SNX29: variants seen among roughly 807,000 people sequenced by gnomAD.
The protein encoded by SNX29 is sorting nexin 29, also known as sorting nexin-29.
In SNX29, 78 loss-of-function variants were observed where a neutral mutation model predicts 102.1. The observed-to-expected ratio is 0.76, with a 90% CI of 0.64 to 0.92. The LOEUF is 0.92. Ranked by LOEUF, SNX29 falls within the 40% of genes least tolerant of loss-of-function variation. SNX29 has a pLI of 0.00. For missense variants in SNX29, 1,280 were observed against 1,061.7 expected, an observed-to-expected ratio of 1.21 and a Z score of -2.86; for synonymous variants, 580 against 414.5, an observed-to-expected ratio of 1.40 and a Z score of -4.85.
chr16:12,463,671 A>C (rs553811483), intron 18 of SNX29, among the ~76,000 whole-genome samples: 4 of 152,210 alleles, frequency 2.6e-5, no homozygotes, highest in African/African-American at 4.8e-5. Flanking sequence ...AGCAACCTCT[A>C]TTATTAAAAA....
At position 12,048,466 on chromosome 16, in the gene SNX29, G is replaced by A. The variant is rs760488823; in HGVS notation, c.594G>A (p.Glu198=). 6.2e-6 allele frequency: 10 copies of A among 1,613,930 alleles called. No individual in the cohort carries two copies. The highest frequency in any genetic ancestry group is 3.3e-4 in the Middle Eastern group (2 of 6,056). ...CCACCGTTTCAGACCTCTTAAAGGA[G>A]TCAACGCAGAACGTGACCTCCTTGC... ...FAPTVSDLLK[E]STQNVTSLLK... The change falls in exon 7 of 21, where the codon GAG becomes GAA. Residue 198 remains glutamate, a synonymous_variant. Coordinates refer to ENST00000566228, the MANE Select transcript of SNX29 (RefSeq NM_032167.5).
intron 20 of SNX29, among the ~76,000 whole-genome samples, chr16:12,553,190 C>A (rs190377825): frequency 2.4e-4 from 36 of 152,286 alleles, no homozygotes; most frequent in Admixed American, 1.0e-3. Flanking sequence ...CAGTATACAG[C>A]TGCAGTTATT....
chr16:12,353,382 A>G (rs905592126), intron 15 of SNX29, among the ~76,000 whole-genome samples: 4 of 152,214 alleles, frequency 2.6e-5, no homozygotes, highest in Non-Finnish European at 5.9e-5. Context: ...TCCACTGGGA[A>G]CTTATCCTGC....
intron 3 of SNX29, among the ~76,000 whole-genome samples, chr16:12,025,288 G>A (rs992574300): frequency 7.6e-5 from 6 of 78,598 alleles, no homozygotes; most frequent in South Asian, 7.3e-4. Flanking sequence ...GGCAACAAGA[G>A]CAAAACTCCA....
At chr16:12,325,202 T>C (rs1197317745) in intron 15 of SNX29, among the ~76,000 whole-genome samples, 1 of 152,198 alleles carries the variant, frequency 6.6e-6, no homozygotes, top group Non-Finnish European at 1.5e-5. Flanking sequence ...ATTTTGACTA[T>C]AGCCCTTCCA....
chr16:12,399,251 C>A (rs1007079852), intron 17 of SNX29, among the ~76,000 whole-genome samples: 2 of 152,140 alleles, frequency 1.3e-5, no homozygotes, highest in African/African-American at 4.8e-5. Context: ...GGGGTTTCTT[C>A]CTGTTGACCA....
chr16:12,548,303 G>A lies in SNX29; in HGVS notation c.2319-20203G>A, dbSNP rs181102777. Among the ~76,000 whole-genome samples, 372 of 152,242 alleles carry A rather than the reference G, an allele frequency of 2.4e-3. 3 individuals carry two copies. Among genetic ancestry groups the A allele is most frequent in the African/African-American group, 8.4e-3 (350 of 41,514 alleles). On this transcript the variant is annotated intron_variant, in intron 20 of 20. Transcript: ENST00000566228. ...GGGAAGGCTGGAAGCTACTGTCCCT[G>A]GAGCCCTACTCTCCTGGCTTGGTGC...
At chr16:12,481,986 C>G (rs1249285764) in intron 19 of SNX29, among the ~76,000 whole-genome samples, 1 of 152,204 alleles carries the variant, frequency 6.6e-6, no homozygotes, top group Non-Finnish European at 1.5e-5. Context: ...AGTCAAGATT[C>G]AGAACCTTCA....
At chr16:12,196,905 G>A (rs184959404) in intron 13 of SNX29, among the ~76,000 whole-genome samples, 5 of 152,286 alleles carry the variant, frequency 3.3e-5, no homozygotes, top group African/African-American at 7.2e-5. Context: ...CCAGGTGTGA[G>A]CCACTGCACC....
chr16:12,556,613 C>T (rs1300360216), intron 20 of SNX29: 2 of 152,180 alleles, frequency 1.3e-5, no homozygotes, highest in African/African-American at 4.8e-5. Flanking sequence ...GAGGAAGGGT[C>T]AAGGCAAGAA....
At chr16:11,986,575 G>C (rs1249012961) in intron 1 of SNX29, among the ~76,000 whole-genome samples, 1 of 152,168 alleles carries the variant, frequency 6.6e-6, no homozygotes, top group Non-Finnish European at 1.5e-5. Context: ...CTGCTTACAT[G>C]ATAGCACTTA....
chr16:12,155,149 C>A (rs1358257787), intron 13 of SNX29, among the ~76,000 whole-genome samples: 1 of 152,158 alleles, frequency 6.6e-6, no homozygotes, highest in Admixed American at 6.6e-5. Context: ...CCCACCACCC[C>A]TTCCGCGCCC....
At chr16:12,072,716 T>G (rs1422745207) in intron 10 of SNX29, among the ~76,000 whole-genome samples, 2 of 152,144 alleles carry the variant, frequency 1.3e-5, no homozygotes, top group Non-Finnish European at 2.9e-5. Context: ...TCTTTTTCTA[T>G]TGATTGGAAT....
At chr16:12,422,564 C>T (rs189171540) in intron 18 of SNX29, among the ~76,000 whole-genome samples, 18 of 152,358 alleles carry the variant, frequency 1.2e-4, no homozygotes, top group African/African-American at 4.3e-4. Context: ...CCTCGTCTTC[C>T]CTGGGCTCCT....
chr16:12,165,090 A>G (rs1022384608), intron 13 of SNX29, among the ~76,000 whole-genome samples: 2 of 152,218 alleles, frequency 1.3e-5, no homozygotes, highest in African/African-American at 4.8e-5. Flanking sequence ...CCTTTTGAGG[A>G]ACAGGATAAG....
At chr16:12,527,071 A>G in intron 20 of SNX29, 1 of 435,800 alleles carries the variant, frequency 2.3e-6, no homozygotes, top group South Asian at 2.1e-5. Context: ...GTTGGTCTAG[A>G]CCCCAGTTGA....
chr16:12,560,138 C>CCA (rs2078637634), intron 20 of SNX29, among the ~76,000 whole-genome samples: 1 of 55,328 alleles, frequency 1.8e-5, no homozygotes, highest in South Asian at 4.6e-4. Context: ...GTTCCCCTCC[C>CCA]CCCCCCAACA....
chr16:12,109,735 A>G (rs1438993159), intron 11 of SNX29, among the ~76,000 whole-genome samples: 1 of 129,192 alleles, frequency 7.7e-6, no homozygotes, highest in Non-Finnish European at 1.8e-5. Flanking sequence ...CATTGCCCTC[A>G]TCTTTTTTTT....
intron 13 of SNX29, among the ~76,000 whole-genome samples, chr16:12,191,550 G>T (rs1426602101): frequency 1.3e-5 from 2 of 152,146 alleles, no homozygotes; most frequent in Non-Finnish European, 2.9e-5. Context: ...ACAATTACTC[G>T]AGGGTGTGAG....
Sources: allele counts gnomAD v4.1 joint callset (sites outside exome capture counted in the v4.1 genomes callset), GRCh38; gene constraint gnomAD v4.1.1; transcripts MANE v1.5; gene names NCBI Gene and HGNC (gene_info 2026-07-23, HGNC 2026-07-21).